The following RORA variants were observed in gnomAD, a reference collection of about 807,000 sequenced individuals.
The protein encoded by RORA is RAR related orphan receptor A.
RORA carries 7 observed loss-of-function variants against 69.5 expected under a neutral mutation model. The ratio of observed to expected loss-of-function variants is 0.10; its 90% CI spans 0.06 to 0.19. The LOEUF (loss-of-function observed/expected upper bound fraction) is 0.19, where lower values mean the gene tolerates loss of function less well. Ranked by LOEUF, RORA falls within the 10% of genes least tolerant of loss-of-function variation. RORA has a pLI of 1.00. For missense variants in RORA, 457 were observed against 663.0 expected (o/e 0.69, Z 3.41); for synonymous variants, 261 against 240.8 (o/e 1.08, Z -0.78).
intron 1 of RORA, among the ~76,000 whole-genome samples, chr15:60,687,185 C>G (rs906600781): frequency 1.3e-5 from 2 of 152,040 alleles, no homozygotes; most frequent in African/African-American, 4.8e-5. Flanking sequence ...GAGGCCCACT[C>G]TCAGATAAGA....
chr15:61,206,028 A>G (rs1166801521), intron 1 of RORA, among the ~76,000 whole-genome samples: 1 of 152,226 alleles, frequency 6.6e-6, no homozygotes, highest in Non-Finnish European at 1.5e-5. Context: ...AGACGCAGTG[A>G]GAATTTTAAG....
chr15:61,001,053 A>C (rs1239776940), intron 1 of RORA, among the ~76,000 whole-genome samples: 1 of 152,148 alleles, frequency 6.6e-6, no homozygotes, highest in Non-Finnish European at 1.5e-5. Flanking sequence ...TTCTGAGGAC[A>C]CTCCATTTTA....
At chr15:60,819,765 A>ACACACACACACACACACGCG (rs1555455759) in intron 1 of RORA, among the ~76,000 whole-genome samples, 1 of 124,342 alleles carries the variant, frequency 8.0e-6, no homozygotes, top group East Asian at 2.1e-4. Context: ...ACACACACAC[A>ACACACACACACACACACGCG]CACACACACA....
rs566160488 is a variant in RORA at position 60,771,345 on chromosome 15, G to A, written c.167-92659C>T. 2.6e-5 allele frequency among the ~76,000 whole-genome samples: 4 copies of A among 152,260 alleles called. No individual in the cohort carries two copies. The South Asian group carries it at 6.2e-4, about 24-fold the overall frequency. On this transcript the variant is annotated intron_variant, in intron 1 of 10. Coordinates refer to ENST00000335670, the MANE Select transcript of RORA (RefSeq NM_134261.3). ...TTGGTCTTTTTAGACCAGTGAGCTC[G>A]TTCTGTGTGGCCCATTCATTGGTAC...
At chr15:60,645,797 GTTT>G (rs11332010) in intron 2 of RORA, among the ~76,000 whole-genome samples, 65 of 139,758 alleles carry the variant, frequency 4.7e-4, no homozygotes, top group African/African-American at 1.6e-3. Flanking sequence ...GTGAAATAGG[GTTT>G]TTTTTTTTTT....
chr15:60,670,544 C>T (rs1469231590), intron 2 of RORA, among the ~76,000 whole-genome samples: 1 of 152,030 alleles, frequency 6.6e-6, no homozygotes, highest in African/African-American at 2.4e-5. Context: ...GTATCCTTGG[C>T]TATTAACTAT....
intron 2 of RORA, among the ~76,000 whole-genome samples, chr15:60,597,550 AC>A (rs2140541401): frequency 1.0e-4 from 2 of 19,318 alleles, no homozygotes; most frequent in Non-Finnish European, 9.0e-5. Context: ...CACACACACA[AC>A]ATATATATAT....
At chr15:60,640,020 C>T (rs1180057333) in intron 2 of RORA, among the ~76,000 whole-genome samples, 1 of 152,130 alleles carries the variant, frequency 6.6e-6, no homozygotes, top group African/African-American at 2.4e-5. Flanking sequence ...TGGAGCCAAA[C>T]AGGCATGGGT....
intron 1 of RORA, among the ~76,000 whole-genome samples, chr15:60,874,291 T>G (rs1034762120): frequency 6.6e-6 from 1 of 152,222 alleles, no homozygotes; most frequent in East Asian, 1.9e-4. Context: ...TGTTTTATCT[T>G]ATTTTTTTCA....
chr15:60,631,864 A>C (rs1421275538), intron 2 of RORA, among the ~76,000 whole-genome samples: 4 of 152,174 alleles, frequency 2.6e-5, no homozygotes, highest in Non-Finnish European at 4.4e-5. Flanking sequence ...CGCTGGGGCG[A>C]TTTGGCAGGG....
At chr15:60,806,558 T>C (rs2072662354) in intron 1 of RORA, among the ~76,000 whole-genome samples, 1 of 152,210 alleles carries the variant, frequency 6.6e-6, no homozygotes, top group Non-Finnish European at 1.5e-5. Context: ...AAAATGGCAA[T>C]GCCTGGGATC....
chr15:60,759,428 G>A (rs556347661), intron 1 of RORA, among the ~76,000 whole-genome samples: 1 of 152,278 alleles, frequency 6.6e-6, no homozygotes, highest in South Asian at 2.1e-4. Context: ...GGACATGGGG[G>A]CCAACTCTAG....
At chr15:61,203,366 T>G (rs1232136358) in intron 1 of RORA, among the ~76,000 whole-genome samples, 4 of 152,194 alleles carry the variant, frequency 2.6e-5, no homozygotes, top group Non-Finnish European at 1.5e-5. Flanking sequence ...GCTAGAAATG[T>G]TCTCTGTCTT....
At chr15:60,777,992 T>A (rs1426534894) in intron 1 of RORA, among the ~76,000 whole-genome samples, 1 of 152,212 alleles carries the variant, frequency 6.6e-6, no homozygotes, top group African/African-American at 2.4e-5. Context: ...ACGTGCTGTT[T>A]AATCCAATAG....
At chr15:61,046,082 G>A (rs970407737) in intron 1 of RORA, among the ~76,000 whole-genome samples, 1 of 152,122 alleles carries the variant, frequency 6.6e-6, no homozygotes, top group Non-Finnish European at 1.5e-5. Flanking sequence ...ATAGATCAAC[G>A]GAGAAAAGGG....
chr15:61,059,408 A>C (rs907583448), intron 1 of RORA, among the ~76,000 whole-genome samples: 1 of 152,214 alleles, frequency 6.6e-6, no homozygotes, highest in Non-Finnish European at 1.5e-5. Context: ...ACTGTAGATA[A>C]TATTTAATTG....
Position 60,491,614 on chromosome 15 carries a change from T to A in RORA, c.*5841A>T, listed in dbSNP as rs1050427863. On this transcript the variant is annotated 3_prime_UTR_variant, in exon 11 of 11. Transcript: ENST00000335670. The stretch of plus-strand genomic sequence containing the variant: ...CTGAGGGTTTGGTTGAACATGGAGA[T>A]CCCCCCCGCCCATCTAGGATGGCTA... 6.7e-6 allele frequency: 1 copy of A among 150,358 alleles called. No individual in the cohort carries two copies. Among genetic ancestry groups the A allele is most frequent in the Non-Finnish European group, 1.5e-5 (1 of 67,648 alleles). The allele number at this position is 150,358 out of a possible 1,614,324, so 9.3% of individuals were successfully genotyped here.
Position 60,629,020 on chromosome 15 carries a change from C to T in RORA, c.196+49637G>A, listed in dbSNP as rs113035699. On this transcript the variant is annotated intron_variant, in intron 2 of 10. Transcript: ENST00000335670. ...CCTGAAGTCCACAGGTATTTCTACCCCTCTTCTCTCATGGCTGGCAGGCTT... is the reference window on the plus strand; with the variant it reads ...CCTGAAGTCCACAGGTATTTCTACCTCTCTTCTCTCATGGCTGGCAGGCTT... Among the ~76,000 whole-genome samples the T allele has an allele frequency of 7.0e-3, 1,063 of 152,046 alleles. 15 individuals are homozygous for T. The highest frequency in any genetic ancestry group is 0.024 in the African/African-American group (1,008 of 41,448).
At chr15:61,212,412 T>C (rs909763261) in intron 1 of RORA, among the ~76,000 whole-genome samples, 2 of 152,196 alleles carry the variant, frequency 1.3e-5, no homozygotes, top group African/African-American at 2.4e-5. Context: ...TACTTATTTA[T>C]TTTTTGGGAC....
Sources: gnomAD v4.1 joint callset for allele counts (sites outside exome capture counted in the v4.1 genomes callset) on GRCh38, gnomAD v4.1.1 for gene constraint, MANE v1.5 for transcripts, NCBI Gene and HGNC (gene_info 2026-07-23, HGNC 2026-07-21) for gene names.